The following ZNF732 variants were observed in gnomAD, a reference collection of about 807,000 sequenced individuals.
The protein encoded by ZNF732 is zinc finger protein 732.
A neutral mutation model predicts 11.5 loss-of-function variants in ZNF732; 12 were observed. The observed-to-expected ratio is 1.05, with a 90% CI of 0.67 to 1.70. The LOEUF is 1.70. ZNF732 is among the 40% of genes most tolerant of loss of function. The pLI, the probability that ZNF732 is intolerant of heterozygous loss-of-function variation, is 0.00. For synonymous variants in ZNF732, 231 were observed against 236.5 expected (o/e 0.98, Z 0.21); for missense variants, 702 against 676.9 (o/e 1.04, Z -0.41).
chr4:278,999 A>G (rs537156089), intron 3 of ZNF732, among the ~76,000 whole-genome samples: 8 of 152,274 alleles, frequency 5.3e-5, no homozygotes, highest in African/African-American at 1.9e-4. Context: ...CTGCATTGCC[A>G]TTTACATGGG....
Position 296,445 on chromosome 4 carries a change from A to G in ZNF732, c.4-290T>C, listed in dbSNP as rs144079016. ...AAAGATTTAACTCAGCTCTCATGAA[A>G]GTATCTGGAATGCCTCACGCTTGAC... On this transcript the variant is annotated intron_variant, in intron 1 of 3. Coordinates refer to ENST00000419098, the MANE Select transcript of ZNF732 (RefSeq NM_001137608.3). Among the ~76,000 whole-genome samples, 714 of 152,218 alleles carry G rather than the reference A, an allele frequency of 4.7e-3. 2 individuals are homozygous for G. Among genetic ancestry groups the G allele is most frequent in the Non-Finnish European group, 7.5e-3 (510 of 68,026 alleles).
chr4:303,935 T>C (rs1720172332), intron 1 of ZNF732, among the ~76,000 whole-genome samples: 1 of 152,184 alleles, frequency 6.6e-6, no homozygotes, highest in Non-Finnish European at 1.5e-5. Context: ...TAGTTTGTGC[T>C]ACAAGTGCAG....
At chr4:273,031 T>C (rs1719422311) in intron 3 of ZNF732, among the ~76,000 whole-genome samples, 1 of 152,096 alleles carries the variant, frequency 6.6e-6, no homozygotes, top group Non-Finnish European at 1.5e-5. Context: ...TGGGGATCTT[T>C]ACAAAAACTG....
intron 1 of ZNF732, among the ~76,000 whole-genome samples, chr4:304,455 T>C (rs894348327): frequency 6.6e-6 from 1 of 151,648 alleles, no homozygotes; most frequent in Non-Finnish European, 1.5e-5. Flanking sequence ...ACGTGCGGAG[T>C]TTGCTCAACA....
Position 305,360 on chromosome 4 carries a change from C to G in ZNF732, c.-50G>C. 6.2e-7 allele frequency: 1 copy of G among 1,606,094 alleles called. No homozygotes were observed. The highest frequency in any genetic ancestry group is 8.5e-7 in the Non-Finnish European group (1 of 1,179,484). On this transcript the variant is annotated 5_prime_UTR_variant, in exon 1 of 4. Coordinates refer to ENST00000419098, the MANE Select transcript of ZNF732 (RefSeq NM_001137608.3). ...AGTCTCAGCTACGAATCATCCAATA[C>G]CCGCAGGTCACAGAGCGACGGAGGC... is the stretch of plus-strand genomic sequence containing the variant.
At chr4:280,761 T>C (rs1307536330) in intron 3 of ZNF732, among the ~76,000 whole-genome samples, 4 of 152,212 alleles carry the variant, frequency 2.6e-5, no homozygotes, top group African/African-American at 7.2e-5. Context: ...CCAATTTTCA[T>C]TGTAGACTTA....
intron 3 of ZNF732, among the ~76,000 whole-genome samples, chr4:275,949 CAT>C (rs1444701431): frequency 9.2e-5 from 14 of 151,564 alleles, no homozygotes; most frequent in Non-Finnish European, 1.0e-4. Flanking sequence ...GCAAGATAAA[CAT>C]ATTCTAAAAA....
intron 3 of ZNF732, among the ~76,000 whole-genome samples, chr4:283,947 G>A (rs1452668950): frequency 2.0e-5 from 3 of 151,964 alleles, no homozygotes; most frequent in African/African-American, 7.3e-5. Flanking sequence ...GTCTTGCTCT[G>A]TCGCCCAGGC....
At chr4:294,258 C>T (rs1719901397) in intron 3 of ZNF732, among the ~76,000 whole-genome samples, 1 of 152,208 alleles carries the variant, frequency 6.6e-6, no homozygotes, top group East Asian at 1.9e-4. Flanking sequence ...CCTCAGCCTC[C>T]CAAAGTGCTG....
chr4:299,121 C>T (rs1023163095), intron 1 of ZNF732, among the ~76,000 whole-genome samples: 1 of 151,860 alleles, frequency 6.6e-6, no homozygotes, highest in African/African-American at 2.4e-5. Flanking sequence ...TAGGTGGGAT[C>T]AATGTGCCTC....
chr4:271,060 T>G lies in ZNF732; in HGVS notation c.*39A>C. On this transcript the variant is annotated 3_prime_UTR_variant, in exon 4 of 4. Transcript: ENST00000419098. ...AAATTTTCTTATGTTCATTCAGGTTTGTGGATCATCCAAAGGCTTTGCCAC... is the reference window on the plus strand; with the variant it reads ...AAATTTTCTTATGTTCATTCAGGTTGGTGGATCATCCAAAGGCTTTGCCAC... The G allele has an allele frequency of 1.4e-6, 2 of 1,427,030 alleles. No homozygotes were observed. Among genetic ancestry groups the G allele is most frequent in the Non-Finnish European group, 1.9e-6 (2 of 1,065,508 alleles). The allele number at this position is 1,427,030 out of a possible 1,614,324, so 88.4% of individuals were successfully genotyped here. A position where few individuals can be genotyped will look rare whatever the true frequency, so the allele number is the denominator to read the frequency against.
chr4:292,999 C>T (rs1269956961), intron 3 of ZNF732, among the ~76,000 whole-genome samples: 2 of 122,588 alleles, frequency 1.6e-5, no homozygotes, highest in African/African-American at 6.2e-5. Flanking sequence ...ACCCAGGTGG[C>T]GGAGGTTGCA....
In ZNF732 at chr4:277,099, CA is replaced by C. The variant is rs1719512328; in HGVS notation, c.227-4470del. ...CTATGAAAATTATTTACATGATAAT[CA>C]AAAAAATAAAACTAGGCTCCTACCT... is the stretch of plus-strand genomic sequence containing the variant. On this transcript the variant is annotated intron_variant, in intron 3 of 3. Coordinates refer to ENST00000419098, the MANE Select transcript of ZNF732 (RefSeq NM_001137608.3). Among the ~76,000 whole-genome samples the C allele has an allele frequency of 2.0e-5, 3 of 151,832 alleles. No individual in the cohort carries two copies. In the South Asian group the frequency reaches 6.2e-4, roughly 32 times the overall value.
chr4:295,987 C>T (rs554180437), intron 2 of ZNF732, 42 bp downstream of exon 2: 2 of 1,595,218 alleles, frequency 1.3e-6, no homozygotes, highest in Admixed American at 1.8e-5. Flanking sequence ...AATAAAACTC[C>T]CTGAGGGAGT....
intron 3 of ZNF732, among the ~76,000 whole-genome samples, chr4:281,486 G>A (rs1341849277): frequency 2.0e-5 from 3 of 152,194 alleles, no homozygotes; most frequent in Admixed American, 6.5e-5. Flanking sequence ...TATAACTGGA[G>A]GCTTTTTTCC....
chr4:278,919 A>AAT (rs539643093), intron 3 of ZNF732, among the ~76,000 whole-genome samples: 3 of 152,072 alleles, frequency 2.0e-5, no homozygotes, highest in South Asian at 2.1e-4. Context: ...GGTAAATGTA[A>AAT]ATATATATAT....
intron 1 of ZNF732, 31 bp downstream of exon 1, chr4:305,277 C>T: frequency 6.2e-7 from 1 of 1,603,748 alleles, no homozygotes; most frequent in Non-Finnish European, 8.5e-7. Flanking sequence ...GAGGCCTCCC[C>T]AGCCTTGGGA....
chr4:277,625 G>C (rs1719525407), intron 3 of ZNF732, among the ~76,000 whole-genome samples: 1 of 151,656 alleles, frequency 6.6e-6, no homozygotes, highest in Non-Finnish European at 1.5e-5. Context: ...TAGTGAGAAT[G>C]AATAGAAAAG....
chr4:278,654 T>C (rs879989161), intron 3 of ZNF732, among the ~76,000 whole-genome samples: 15 of 152,236 alleles, frequency 9.9e-5, no homozygotes, highest in Admixed American at 7.2e-4. Context: ...TTGTGTTCCT[T>C]GAGTCCAGTC....
Sources: allele counts gnomAD v4.1 joint callset (sites outside exome capture counted in the v4.1 genomes callset), GRCh38; gene constraint gnomAD v4.1.1; transcripts MANE v1.5; gene names NCBI Gene and HGNC (gene_info 2026-07-23, HGNC 2026-07-21).